PARD3: variants seen among roughly 807,000 people sequenced by gnomAD.
PARD3 encodes the protein partitioning defective 3 homolog.
Under a neutral mutation model 155.4 loss-of-function variants are expected in PARD3, and 75 were observed. The observed-to-expected ratio is 0.48, with a 90% CI of 0.40 to 0.58. The LOEUF (loss-of-function observed/expected upper bound fraction) is 0.58. Among genes scored for constraint, PARD3 ranks in the 20% least tolerant of loss-of-function variants. PARD3 has a pLI of 0.00. For synonymous variants in PARD3, 576 were observed against 610.5 expected, an observed-to-expected ratio of 0.94 and a Z score of 0.83; for missense variants, 1,642 against 1,721.7, an observed-to-expected ratio of 0.95 and a Z score of 0.82.
chr10:34,314,128 A>G (rs1957855638), intron 20 of PARD3, among the ~76,000 whole-genome samples: 1 of 152,192 alleles, frequency 6.6e-6, no homozygotes, highest in Non-Finnish European at 1.5e-5. Flanking sequence ...AGTTTTCTTA[A>G]AAGAACAAAG....
chr10:34,223,064 G>A (rs890056857), intron 22 of PARD3, among the ~76,000 whole-genome samples: 1 of 152,190 alleles, frequency 6.6e-6, no homozygotes, highest in Non-Finnish European at 1.5e-5. Context: ...AAGTCCCACA[G>A]TTGGAAGAGA....
chr10:34,731,177 C>CT (rs779434679), intron 1 of PARD3, among the ~76,000 whole-genome samples: 7 of 152,080 alleles, frequency 4.6e-5, no homozygotes, highest in Non-Finnish European at 5.9e-5. Context: ...GAAAAAAAGT[C>CT]AAAATATAAA....
chr10:34,512,212 T>G (rs1286543998), intron 3 of PARD3, among the ~76,000 whole-genome samples: 1 of 152,242 alleles, frequency 6.6e-6, no homozygotes, highest in Non-Finnish European at 1.5e-5. Context: ...AGTATTTGGA[T>G]ATCCCGTGAA....
chr10:34,512,983 C>T (rs1012331029), intron 3 of PARD3, among the ~76,000 whole-genome samples: 1 of 152,066 alleles, frequency 6.6e-6, no homozygotes, highest in African/African-American at 2.4e-5. Flanking sequence ...TCCCTTTGTA[C>T]AAATTCCTTT....
At chr10:34,639,918 T>C (rs1431423790) in intron 2 of PARD3, among the ~76,000 whole-genome samples, 3 of 152,144 alleles carry the variant, frequency 2.0e-5, no homozygotes, top group Admixed American at 6.5e-5. Flanking sequence ...CAGAGTGTTA[T>C]GAGAATCCAT....
chr10:34,207,062 G>A (rs1376706177), intron 22 of PARD3, among the ~76,000 whole-genome samples: 1 of 152,164 alleles, frequency 6.6e-6, no homozygotes, highest in African/African-American at 2.4e-5. Flanking sequence ...GTGTGTGCTG[G>A]CACACAGGTA....
chr10:34,786,884 A>G (rs1841029161), intron 1 of PARD3, among the ~76,000 whole-genome samples: 1 of 152,198 alleles, frequency 6.6e-6, no homozygotes, highest in African/African-American at 2.4e-5. Context: ...CAAAGAGATC[A>G]TTATTTTAGG....
intron 22 of PARD3, among the ~76,000 whole-genome samples, chr10:34,143,589 G>GT (rs1948314299): frequency 6.6e-6 from 1 of 152,030 alleles, no homozygotes; most frequent in Admixed American, 6.6e-5. Flanking sequence ...ACTAAGCTAT[G>GT]TTTTTTTAAA....
intron 5 of PARD3, among the ~76,000 whole-genome samples, chr10:34,438,122 G>C (rs1486674626): frequency 1.3e-5 from 2 of 152,178 alleles, no homozygotes; most frequent in African/African-American, 4.8e-5. Context: ...ACTGGATACA[G>C]GCCAGCGGGG....
At chr10:34,248,219 T>C (rs1954082151) in intron 22 of PARD3, among the ~76,000 whole-genome samples, 1 of 152,182 alleles carries the variant, frequency 6.6e-6, no homozygotes, top group Non-Finnish European at 1.5e-5. Context: ...GAAGGCTTAT[T>C]AGCTTGGCAC....
At chr10:34,183,551 G>A (rs540682156) in intron 22 of PARD3, among the ~76,000 whole-genome samples, 1 of 152,168 alleles carries the variant, frequency 6.6e-6, no homozygotes, top group South Asian at 2.1e-4. Context: ...GGTGATTCCC[G>A]CCCTCTTCTC....
At chr10:34,601,097 C>G (rs981763828) in intron 2 of PARD3, among the ~76,000 whole-genome samples, 2 of 147,650 alleles carry the variant, frequency 1.4e-5, no homozygotes, top group African/African-American at 2.5e-5. Flanking sequence ...AGGCGTGAGC[C>G]ATTGTGCCAA....
intron 14 of PARD3, among the ~76,000 whole-genome samples, chr10:34,351,922 TAAATG>T (rs1226049209): frequency 6.6e-6 from 1 of 152,242 alleles, no homozygotes; most frequent in East Asian, 1.9e-4. Flanking sequence ...AAGAGATTCA[TAAATG>T]ATACCTTAGG....
At chr10:34,570,965 C>CA (rs1464453265) in intron 2 of PARD3, among the ~76,000 whole-genome samples, 1 of 152,106 alleles carries the variant, frequency 6.6e-6, no homozygotes, top group Non-Finnish European at 1.5e-5. Flanking sequence ...TCTCCTGCAA[C>CA]AACATGTGGA....
intron 4 of PARD3, among the ~76,000 whole-genome samples, chr10:34,454,074 TATCA>T (rs1485477954): frequency 3.3e-5 from 5 of 152,374 alleles, no homozygotes; most frequent in African/African-American, 9.6e-5. Flanking sequence ...CTTGAATTAT[TATCA>T]ATCAGTTGAA....
intron 22 of PARD3, among the ~76,000 whole-genome samples, chr10:34,150,576 T>C (rs143067195): frequency 1.9e-3 from 295 of 152,194 alleles, no homozygotes; most frequent in Admixed American, 4.5e-3. Context: ...TTGAGAGCAG[T>C]ATGTGAGGTG....
At chr10:34,799,069 A>G (rs987328399) in intron 1 of PARD3, among the ~76,000 whole-genome samples, 1 of 152,096 alleles carries the variant, frequency 6.6e-6, no homozygotes, top group African/African-American at 2.4e-5. Flanking sequence ...TCTAGCACCA[A>G]CTGGGGATGT....
chr10:34,473,703 G>T (rs1425897244), intron 3 of PARD3, among the ~76,000 whole-genome samples: 1 of 152,160 alleles, frequency 6.6e-6, no homozygotes, highest in Non-Finnish European at 1.5e-5. Flanking sequence ...TGTCATGTCA[G>T]TTTACTACTG....
chr10:34,459,354 G>A (rs941458347), intron 4 of PARD3, among the ~76,000 whole-genome samples: 9 of 151,628 alleles, frequency 5.9e-5, no homozygotes, highest in Admixed American at 1.3e-4. Context: ...TGTATTTTTA[G>A]TAGAGGCGGG....
Sources: gnomAD v4.1 joint callset for allele counts (sites outside exome capture counted in the v4.1 genomes callset) on GRCh38, gnomAD v4.1.1 for gene constraint, MANE v1.5 for transcripts, NCBI Gene and HGNC (gene_info 2026-07-23, HGNC 2026-07-21) for gene names.